The following GNG4 variants were observed in gnomAD, a reference collection of about 807,000 sequenced individuals.
GNG4 encodes guanine nucleotide-binding protein G(I)/G(S)/G(O) subunit gamma-4.
Under a neutral mutation model 5.8 loss-of-function variants are expected in GNG4, and 4 were observed. That is an observed-to-expected ratio of 0.69 (90% CI 0.34 to 1.57). The LOEUF (loss-of-function observed/expected upper bound fraction) is 1.57. GNG4 is among the 40% of genes most tolerant of loss of function. The pLI, the probability that GNG4 is intolerant of heterozygous loss-of-function variation, is 0.06. For missense variants in GNG4, 96 were observed against 95.1 expected, an observed-to-expected ratio of 1.01 and a Z score of -0.04; for synonymous variants, 29 against 32.9, an observed-to-expected ratio of 0.88 and a Z score of 0.41.
At position 235,631,835 on chromosome 1, in the gene GNG4, C is replaced by T. The variant is rs538380692; in HGVS notation, c.-123+17827G>A. Among the ~76,000 whole-genome samples, 8 of 152,086 alleles carry T rather than the reference C, an allele frequency of 5.3e-5. No individual in the cohort carries two copies. In the East Asian group the frequency reaches 5.8e-4, roughly 11 times the overall value. On this transcript the variant is annotated intron_variant, in intron 1 of 3. Transcript: ENST00000391854. ...CACCTGCCTTGGCCTCCCAAAGTGCCGGGATTACAGGCATGAGCCACCGCG... is the reference window on the plus strand; with the variant it reads ...CACCTGCCTTGGCCTCCCAAAGTGCTGGGATTACAGGCATGAGCCACCGCG...
At chr1:235,562,168 G>A (rs941747348) in intron 3 of GNG4, among the ~76,000 whole-genome samples, 8 of 152,112 alleles carry the variant, frequency 5.3e-5, no homozygotes, top group African/African-American at 1.7e-4. Context: ...TGACCTACAC[G>A]TCTACTCTTT....
At chr1:235,562,412 C>T (rs956702463) in intron 3 of GNG4, among the ~76,000 whole-genome samples, 4 of 151,756 alleles carry the variant, frequency 2.6e-5, no homozygotes, top group African/African-American at 9.7e-5. Context: ...TTTGGGAGGT[C>T]GAGGCAGGTG....
chr1:235,639,867 A>C (rs937402772), intron 1 of GNG4, among the ~76,000 whole-genome samples: 2 of 152,162 alleles, frequency 1.3e-5, no homozygotes, highest in African/African-American at 4.8e-5. Context: ...AGGAGCAGGG[A>C]TGGCCTCTGA....
intron 1 of GNG4, among the ~76,000 whole-genome samples, chr1:235,598,428 G>A (rs1688177244): frequency 6.6e-6 from 1 of 152,094 alleles, no homozygotes. Context: ...GGGCAGCACA[G>A]TAAGACCCCA....
intron 1 of GNG4, among the ~76,000 whole-genome samples, chr1:235,603,263 AAT>A (rs1688293570): frequency 2.6e-5 from 1 of 39,174 alleles, no homozygotes; most frequent in South Asian, 5.9e-4. Flanking sequence ...AATAATAATT[AAT>A]AATAATAATA....
intron 2 of GNG4, among the ~76,000 whole-genome samples, chr1:235,589,560 G>A (rs1321399253): frequency 2.0e-5 from 3 of 152,104 alleles, no homozygotes; most frequent in Admixed American, 6.5e-5. Context: ...CACTCCCCTC[G>A]AACCTCAGCA....
intron 1 of GNG4, among the ~76,000 whole-genome samples, chr1:235,605,494 T>A (rs1260658285): frequency 6.6e-6 from 1 of 152,120 alleles, no homozygotes; most frequent in Non-Finnish European, 1.5e-5. Flanking sequence ...TGCCTTCTAT[T>A]TATGTGGAGA....
intron 1 of GNG4, among the ~76,000 whole-genome samples, chr1:235,602,010 G>A (rs911901587): frequency 6.6e-6 from 1 of 152,094 alleles, no homozygotes; most frequent in Non-Finnish European, 1.5e-5. Flanking sequence ...AGTGGCTCAC[G>A]CCTGTAATCC....
At chr1:235,587,316 TGTGTGTGTGAGA>T (rs1558485848) in intron 2 of GNG4, among the ~76,000 whole-genome samples, 7 of 60,432 alleles carry the variant, frequency 1.2e-4, no homozygotes, top group Admixed American at 2.2e-4. Context: ...GTGAGGGGTG[TGTGTGTGTGAGA>T]GTGTGAGAGC....
chr1:235,587,622 A>G (rs56123704), intron 2 of GNG4, among the ~76,000 whole-genome samples: 77 of 424 alleles, frequency 0.18, 17 homozygotes, highest in East Asian at 0.42. Context: ...GGGGTGTGTG[A>G]ATGTGGGGTG....
At chr1:235,634,541 G>A (rs1688991693) in intron 1 of GNG4, among the ~76,000 whole-genome samples, 1 of 152,218 alleles carries the variant, frequency 6.6e-6, no homozygotes. Context: ...ATGTGTCCTA[G>A]ACTATGAAGA....
chr1:235,593,825 T>C (rs1289620142), intron 2 of GNG4, among the ~76,000 whole-genome samples: 2 of 151,998 alleles, frequency 1.3e-5, no homozygotes, highest in African/African-American at 4.8e-5. Context: ...ACCTTCGTGG[T>C]GAGTGTTACA....
intron 3 of GNG4, among the ~76,000 whole-genome samples, chr1:235,569,306 T>TA (rs1367642934): frequency 1.3e-5 from 2 of 151,988 alleles, no homozygotes; most frequent in African/African-American, 4.8e-5. Flanking sequence ...GCTCAGGAGT[T>TA]AGAGACCGCC....
At chr1:235,611,725 C>T (rs1688477756) in intron 1 of GNG4, among the ~76,000 whole-genome samples, 1 of 152,138 alleles carries the variant, frequency 6.6e-6, no homozygotes, top group South Asian at 2.1e-4. Context: ...TTGTGGGTCT[C>T]AGTTTCGACT....
Position 235,648,735 on chromosome 1 carries a change from C to T in GNG4, c.-123+927G>A, listed in dbSNP as rs1657579293. ...TTTTGCTCCGGCTGAGAGGCACGGGCCCGGTGCCAGCATTTGACAGTCCTG... is the reference window on the plus strand; with the variant it reads ...TTTTGCTCCGGCTGAGAGGCACGGGTCCGGTGCCAGCATTTGACAGTCCTG... On this transcript the variant is annotated intron_variant, in intron 1 of 3. Transcript: ENST00000391854. This position sits in a 1 kb window ranked among gnomAD's most constrained non-coding sequence, Gnocchi z 5.0. 6.6e-6 allele frequency among the ~76,000 whole-genome samples: 1 copy of T among 152,226 alleles called. No homozygotes were observed. The highest frequency in any genetic ancestry group is 2.4e-5 in the African/African-American group (1 of 41,474).
At chr1:235,616,150 T>C (rs1288466264) in intron 1 of GNG4, 1 of 507,312 alleles carries the variant, frequency 2.0e-6, no homozygotes, top group Non-Finnish European at 3.9e-6. Context: ...CCTGCTGCTA[T>C]GTGGGTCTGG....
chr1:235,589,237 C>T (rs755997345), intron 2 of GNG4, among the ~76,000 whole-genome samples: 3 of 152,188 alleles, frequency 2.0e-5, no homozygotes, highest in Non-Finnish European at 2.9e-5. Flanking sequence ...GGCATGCTGG[C>T]GCCCAGAGAA....
intron 1 of GNG4, among the ~76,000 whole-genome samples, chr1:235,623,716 T>C (rs12067497): frequency 0.046 from 6,935 of 152,240 alleles, 513 homozygotes; most frequent in African/African-American, 0.16. Flanking sequence ...GGATCTTTCC[T>C]GACCACTTTC....
At chr1:235,627,843 C>T (rs1046705134) in intron 1 of GNG4, among the ~76,000 whole-genome samples, 3 of 152,114 alleles carry the variant, frequency 2.0e-5, no homozygotes, top group African/African-American at 4.8e-5. Flanking sequence ...TGATATCAAC[C>T]AATACTTCCC....
Sources: gnomAD v4.1 joint callset for allele counts (sites outside exome capture counted in the v4.1 genomes callset) on GRCh38, gnomAD v4.1.1 for gene constraint, Gnocchi (gnomAD v3.1) non-coding constraint, MANE v1.5 for transcripts, NCBI Gene and HGNC (gene_info 2026-07-23, HGNC 2026-07-21) for gene names.